Variants in M1AP observed in about 807,000 individuals in gnomAD.
The protein encoded by M1AP is meiosis 1 arrest protein.
In M1AP, 39 loss-of-function variants were observed where a neutral mutation model predicts 51.2. That is an observed-to-expected ratio of 0.76 (90% CI 0.59 to 1.00). M1AP has a LOEUF of 1.00. M1AP is among the 50% of genes least tolerant of loss of function. M1AP has a pLI of 0.00. For synonymous variants in M1AP, 251 were observed against 249.2 expected (o/e 1.01, Z -0.07); for missense variants, 545 against 641.2 (o/e 0.85, Z 1.62).
chr2:74,604,645 CA>C (rs1290297318), intron 4 of M1AP, among the ~76,000 whole-genome samples: 2 of 152,178 alleles, frequency 1.3e-5, no homozygotes, highest in East Asian at 3.8e-4. Context: ...CAGATGGTAC[CA>C]GTCCATGGCC....
intron 2 of M1AP, among the ~76,000 whole-genome samples, chr2:74,630,592 C>T (rs1682647173): frequency 1.3e-5 from 2 of 152,196 alleles, no homozygotes; most frequent in Admixed American, 1.3e-4. Flanking sequence ...CTTTGGTTTT[C>T]TGTTCCTGTG....
intron 7 of M1AP, among the ~76,000 whole-genome samples, chr2:74,562,742 T>A (rs543528790): frequency 8.0e-4 from 122 of 152,280 alleles, no homozygotes; most frequent in Middle Eastern, 6.8e-3. Flanking sequence ...TGTGGACTTT[T>A]AAGAATTATA....
At chr2:74,611,277 T>C (rs1387721201) in intron 3 of M1AP, among the ~76,000 whole-genome samples, 2 of 152,234 alleles carry the variant, frequency 1.3e-5, no homozygotes, top group African/African-American at 4.8e-5. Context: ...AAATGTTTGG[T>C]AGAATTCAGC....
chr2:74,605,331 A>G (rs1396693595), intron 4 of M1AP, among the ~76,000 whole-genome samples: 1 of 152,244 alleles, frequency 6.6e-6, no homozygotes, highest in African/African-American at 2.4e-5. Context: ...GAAAATGCAG[A>G]GCCCTTTGTT....
chr2:74,623,251 C>T (rs1037330570), intron 2 of M1AP, among the ~76,000 whole-genome samples: 1 of 152,042 alleles, frequency 6.6e-6, no homozygotes, highest in Non-Finnish European at 1.5e-5. Context: ...CGCCTGTAAT[C>T]CCAGCACTAT....
intron 2 of M1AP, chr2:74,628,535 C>A: frequency 2.0e-6 from 1 of 502,774 alleles, no homozygotes; most frequent in Non-Finnish European, 3.9e-6. Context: ...TCACCCAAAG[C>A]ACTGCACAGA....
rs1465798122 is a variant in M1AP, at chr2:74,640,402, T to G, written c.-52-75A>C. 2.4e-6 allele frequency: 3 copies of G among 1,261,224 alleles called. No homozygotes were observed. In the African/African-American group the frequency reaches 4.5e-5, roughly 19 times the overall value. The allele number at this position is 1,261,224 out of a possible 1,614,324, so 78.1% of individuals were successfully genotyped here. Reference sequence around the variant, plus strand: ...GCTCTGTTGAAATATAAAATACAAGTCGAGGGAAACAAATCCAGAAAGGAG... The same window carrying G: ...GCTCTGTTGAAATATAAAATACAAGGCGAGGGAAACAAATCCAGAAAGGAG... On this transcript the variant is annotated intron_variant, in intron 1 of 10. Coordinates refer to ENST00000421985, the MANE Select transcript of M1AP (RefSeq NM_001321739.2).
At position 74,602,699 on chromosome 2, in the gene M1AP, A is replaced by G. The variant is rs1680742193; in HGVS notation, c.595+4356T>C. 3.3e-5 allele frequency among the ~76,000 whole-genome samples: 5 copies of G among 152,328 alleles called. No homozygotes were observed. The South Asian group carries it at 1.0e-3, about 32-fold the overall frequency. Reference sequence around the variant, plus strand: ...GGGAATAAAACAATTAATTATGAGGAAAGCACAGGCAAACTAGGAAGATTT... The same window carrying G: ...GGGAATAAAACAATTAATTATGAGGGAAGCACAGGCAAACTAGGAAGATTT... On this transcript the variant is annotated intron_variant, in intron 4 of 10. Transcript: ENST00000421985.
chr2:74,607,931 TA>T (rs966516622), intron 3 of M1AP, among the ~76,000 whole-genome samples: 33 of 152,252 alleles, frequency 2.2e-4, no homozygotes, highest in African/African-American at 7.9e-4. Context: ...TAAAAGACAT[TA>T]TTTTTTAGGG....
At chr2:74,648,003 G>C (rs1683705020) in intron 1 of M1AP, 4 of 985,394 alleles carry the variant, frequency 4.1e-6, no homozygotes, top group Middle Eastern at 5.2e-4. Context: ...CCCGGCCCTC[G>C]GGCCTGGGGG....
At chr2:74,621,736 T>C (rs1219159165) in intron 2 of M1AP, among the ~76,000 whole-genome samples, 3 of 151,626 alleles carry the variant, frequency 2.0e-5, no homozygotes, top group African/African-American at 7.3e-5. Context: ...GAGCTTGCAG[T>C]GAGCCGAGAT....
At chr2:74,571,069 CAT>C (rs1357037443) in intron 7 of M1AP, among the ~76,000 whole-genome samples, 1 of 152,064 alleles carries the variant, frequency 6.6e-6, no homozygotes, top group African/African-American at 2.4e-5. Flanking sequence ...CATAGAAAAA[CAT>C]GTGATAGGGG....
rs1681582258 is a variant in M1AP, at chr2:74,615,035, C to T, written c.355G>A (p.Gly119Arg). The change falls in exon 3 of 11, where the codon GGG becomes AGG. Residue 119 changes from glycine (G) to arginine (R), a missense_variant. Gly to Arg is a moderately radical substitution (Grantham distance 125). Coordinates refer to ENST00000421985, the MANE Select transcript of M1AP (RefSeq NM_001321739.2). ...CTGTATTGTTTGAATTGCTGGAGCC[C>T]ATCCTCTACTGCCAGCCGCAGAGAA... ...GASLRLAVED[G>R]LQQFKQYSRH... 1 of 1,614,018 alleles carries T rather than the reference C, an allele frequency of 6.2e-7. No individual in the cohort carries two copies. Among genetic ancestry groups the T allele is most frequent in the African/African-American group, 1.3e-5 (1 of 74,900 alleles).
intron 10 of M1AP, 116 bp from the exon 11 acceptor site, chr2:74,558,990 G>A: frequency 9.9e-7 from 1 of 1,005,162 alleles, no homozygotes; most frequent in South Asian, 1.9e-5. Context: ...TGGAGTGACA[G>A]CCTCAAGGCC....
rs1354210834 is a variant in M1AP, at chr2:74,571,491, C to A, written c.1074+3947G>T. 2.0e-5 allele frequency among the ~76,000 whole-genome samples: 3 copies of A among 152,146 alleles called. No individual in the cohort carries two copies. The East Asian group carries it at 5.8e-4, about 29-fold the overall frequency. On this transcript the variant is annotated intron_variant, in intron 7 of 10. Coordinates refer to ENST00000421985, the MANE Select transcript of M1AP (RefSeq NM_001321739.2). Reference sequence around the variant, plus strand: ...AAAAGGTATATGAAAGAATAAAAAACCAAAGATGGAGTTAAAGAAGCATGG... The same window carrying A: ...AAAAGGTATATGAAAGAATAAAAAAACAAAGATGGAGTTAAAGAAGCATGG...
intron 1 of M1AP, chr2:74,647,169 C>G (rs945845424): frequency 8.9e-5 from 86 of 964,256 alleles, no homozygotes; most frequent in Non-Finnish European, 1.0e-4. Flanking sequence ...CCACTGGAAA[C>G]AGAATCCAAT....
At chr2:74,633,418 TC>T (rs1682810458) in intron 2 of M1AP, among the ~76,000 whole-genome samples, 2 of 152,136 alleles carry the variant, frequency 1.3e-5, no homozygotes, top group Admixed American at 1.3e-4. Flanking sequence ...TCCTGCACCA[TC>T]CCCCAGGTGA....
intron 1 of M1AP, chr2:74,647,247 T>C: frequency 7.4e-5 from 73 of 985,206 alleles, no homozygotes; most frequent in Non-Finnish European, 8.6e-5. Context: ...CACTAGGCCC[T>C]CCCCTGCCCG....
chr2:74,589,328 A>G (rs1031376219), intron 4 of M1AP, among the ~76,000 whole-genome samples: 1 of 152,212 alleles, frequency 6.6e-6, no homozygotes, highest in Non-Finnish European at 1.5e-5. Flanking sequence ...GGGGTGAAGG[A>G]CAAGACCCCC....
Sources: gnomAD v4.1 joint callset for allele counts (sites outside exome capture counted in the v4.1 genomes callset) on GRCh38, gnomAD v4.1.1 for gene constraint, MANE v1.5 for transcripts, NCBI Gene and HGNC (gene_info 2026-07-23, HGNC 2026-07-21) for gene names.